The following SDK1 variants were observed in gnomAD, a reference collection of about 807,000 sequenced individuals.
The protein encoded by SDK1 is protein sidekick-1.
A neutral mutation model predicts 245.5 loss-of-function variants in SDK1; 157 were observed. The ratio of observed to expected loss-of-function variants is 0.64; its 90% CI spans 0.56 to 0.73. The LOEUF is 0.73. SDK1 is among the 30% of genes least tolerant of loss of function. The pLI, the probability that SDK1 is intolerant of heterozygous loss-of-function variation, is 0.00. For missense variants in SDK1, 3,583 were observed against 3,002.3 expected (o/e 1.19, Z -4.52); for synonymous variants, 1,647 against 1,278.5 (o/e 1.29, Z -6.15).
At chr7:4,248,422 C>T (rs970815530) in intron 44 of SDK1, among the ~76,000 whole-genome samples, 1 of 151,304 alleles carries the variant, frequency 6.6e-6, no homozygotes, top group Non-Finnish European at 1.5e-5. Flanking sequence ...CACACATGCA[C>T]ACACGTATAC....
chr7:3,690,312 T>C (rs1583310865), intron 4 of SDK1, among the ~76,000 whole-genome samples: 1 of 152,122 alleles, frequency 6.6e-6, no homozygotes, highest in East Asian at 1.9e-4. Flanking sequence ...TGATATTGAT[T>C]TTTTTTTACT....
At position 3,735,283 on chromosome 7, in the gene SDK1, C is replaced by G. The variant is rs568509916; in HGVS notation, c.714-86167C>G. Among the ~76,000 whole-genome samples, 22 of 152,090 alleles carry G rather than the reference C, an allele frequency of 1.4e-4. 1 individual carries two copies. The highest frequency in any genetic ancestry group is 1.3e-3 in the Admixed American group (20 of 15,274). On this transcript the variant is annotated intron_variant, in intron 4 of 44. Coordinates refer to ENST00000404826, the MANE Select transcript of SDK1 (RefSeq NM_152744.4). ...CCATCTTTAGAACTTTTTTACCTTGCGAAACTGAAAATCTGTACTTGCTAA... is the reference window on the plus strand; with the variant it reads ...CCATCTTTAGAACTTTTTTACCTTGGGAAACTGAAAATCTGTACTTGCTAA...
intron 5 of SDK1, among the ~76,000 whole-genome samples, chr7:3,891,301 G>A (rs183683460): frequency 7.3e-4 from 111 of 152,198 alleles, no homozygotes; most frequent in African/African-American, 2.5e-3. Flanking sequence ...CGTGGTTTTC[G>A]TGGCTCTGAA....
At chr7:3,897,963 C>G (rs779916413) in intron 5 of SDK1, among the ~76,000 whole-genome samples, 2 of 151,726 alleles carry the variant, frequency 1.3e-5, no homozygotes, top group Non-Finnish European at 2.9e-5. Context: ...TGCTCTTATT[C>G]CATTTCTTGC....
At chr7:3,637,552 G>A (rs912049986) in intron 2 of SDK1, among the ~76,000 whole-genome samples, 4 of 152,150 alleles carry the variant, frequency 2.6e-5, no homozygotes, top group African/African-American at 4.8e-5. Context: ...TTCGAGTGGC[G>A]GTTGGTTACC....
chr7:3,311,489 A>G (rs1779549026), intron 1 of SDK1, among the ~76,000 whole-genome samples: 1 of 152,192 alleles, frequency 6.6e-6, no homozygotes, highest in Non-Finnish European at 1.5e-5. Flanking sequence ...TCTCAAGGAA[A>G]GAGAACTATG....
chr7:3,714,375 A>G (rs1412754192), intron 4 of SDK1, among the ~76,000 whole-genome samples: 1 of 152,218 alleles, frequency 6.6e-6, no homozygotes, highest in African/African-American at 2.4e-5. Flanking sequence ...GAAGTACCAT[A>G]GGGATGTTAT....
At chr7:3,750,548 A>C (rs931967340) in intron 4 of SDK1, among the ~76,000 whole-genome samples, 11 of 152,196 alleles carry the variant, frequency 7.2e-5, no homozygotes, top group African/African-American at 1.7e-4. Flanking sequence ...AGAGAGATTG[A>C]GTTCAACTCC....
intron 5 of SDK1, among the ~76,000 whole-genome samples, chr7:3,894,578 C>G (rs1583523187): frequency 1.3e-5 from 2 of 152,092 alleles, no homozygotes; most frequent in African/African-American, 4.8e-5. Flanking sequence ...GCTCCGGGGT[C>G]TCGCCCAGTG....
rs376390400 is a variant in SDK1, at chr7:3,836,359, C to T, written c.847+14776C>T. ...TACACATATACATAACTTCAATGTA[C>T]GAGTGAGTAAAAAGTACGGCATTAG... is the stretch of plus-strand genomic sequence containing the variant. On this transcript the variant is annotated intron_variant, in intron 5 of 44. Transcript: ENST00000404826. Among the ~76,000 whole-genome samples, 3 of 152,266 alleles carry T rather than the reference C, an allele frequency of 2.0e-5. No homozygotes were observed. In the South Asian group the frequency reaches 6.2e-4, roughly 32 times the overall value.
intron 4 of SDK1, among the ~76,000 whole-genome samples, chr7:3,764,918 A>C (rs1780209798): frequency 6.6e-6 from 1 of 152,178 alleles, no homozygotes; most frequent in African/African-American, 2.4e-5. Context: ...TTGTTTTGGA[A>C]AGTATTATTT....
intron 1 of SDK1, among the ~76,000 whole-genome samples, chr7:3,602,151 T>A (rs932016003): frequency 6.6e-6 from 1 of 151,966 alleles, no homozygotes; most frequent in Non-Finnish European, 1.5e-5. Context: ...TGTGCATGTG[T>A]CTTTATAGCA....
chr7:3,966,979 C>T, intron 9 of SDK1, among the ~76,000 whole-genome samples: 1 of 152,176 alleles, frequency 6.6e-6, no homozygotes, highest in Non-Finnish European at 1.5e-5. Context: ...GGCTACCTTT[C>T]ATTTAAAGAA....
At chr7:3,753,540 C>G (rs943722398) in intron 4 of SDK1, among the ~76,000 whole-genome samples, 1 of 152,214 alleles carries the variant, frequency 6.6e-6, no homozygotes, top group Non-Finnish European at 1.5e-5. Context: ...CACCCCCAGA[C>G]AGGAAGGTTC....
At chr7:4,249,671 C>T (rs894205728) in intron 44 of SDK1, among the ~76,000 whole-genome samples, 3 of 152,300 alleles carry the variant, frequency 2.0e-5, no homozygotes, top group Middle Eastern at 3.4e-3. Context: ...GTGGATAAAG[C>T]GTAGCCTCCC....
chr7:4,110,435 T>C (rs1783264180), intron 22 of SDK1, among the ~76,000 whole-genome samples: 1 of 152,204 alleles, frequency 6.6e-6, no homozygotes, highest in South Asian at 2.1e-4. Flanking sequence ...GCCCAGTTCT[T>C]GACTGTGAGC....
At chr7:4,220,984 A>T (rs982336544) in intron 39 of SDK1, among the ~76,000 whole-genome samples, 2 of 149,022 alleles carry the variant, frequency 1.3e-5, no homozygotes, top group African/African-American at 5.0e-5. Flanking sequence ...AAGTTTTTGC[A>T]ATGTTGCCCA....
chr7:3,899,766 C>G (rs1404288515), intron 5 of SDK1, among the ~76,000 whole-genome samples: 1 of 152,214 alleles, frequency 6.6e-6, no homozygotes, highest in Non-Finnish European at 1.5e-5. Flanking sequence ...CTTGCCCACC[C>G]TCAGATATCT....
Position 4,012,021 on chromosome 7 carries a change from T to C in SDK1, c.2280-74T>C, listed in dbSNP as rs144601631. 1.1e-3 allele frequency: 1,396 copies of C among 1,244,260 alleles called. 15 individuals carry two copies. The African/African-American group carries it at 0.019, about 17-fold the overall frequency. 77.1% of individuals were successfully genotyped at this position (1,244,260 alleles called of 1,614,324 possible). On this transcript the variant is annotated intron_variant, in intron 15 of 44. Transcript: ENST00000404826. ...TAGTCAGGCTCAAGATTCAGCAAGA[T>C]AGATGAAATGCAAATGGGCCCCCGC...
Sources: allele counts gnomAD v4.1 joint callset (sites outside exome capture counted in the v4.1 genomes callset), GRCh38; gene constraint gnomAD v4.1.1; transcripts MANE v1.5; gene names NCBI Gene and HGNC (gene_info 2026-07-23, HGNC 2026-07-21).